METAP1: variants seen among roughly 807,000 people sequenced by gnomAD.
METAP1 encodes methionyl aminopeptidase 1, also known as methionine aminopeptidase 1.
METAP1 carries 28 observed loss-of-function variants against 53.8 expected under a neutral mutation model. The ratio of observed to expected loss-of-function variants is 0.52; its 90% CI spans 0.39 to 0.71. METAP1 has a LOEUF of 0.71. Among genes scored for constraint, METAP1 ranks in the 30% least tolerant of loss-of-function variants. The pLI, the probability that METAP1 is intolerant of heterozygous loss-of-function variation, is 0.00. For missense variants in METAP1, 389 were observed against 479.8 expected (o/e 0.81, Z 1.77); for synonymous variants, 181 against 165.7 (o/e 1.09, Z -0.71).
At chr4:99,023,712 C>T (rs1428092532) in intron 1 of METAP1, 2 of 985,180 alleles carry the variant, frequency 2.0e-6, no homozygotes, top group Non-Finnish European at 2.4e-6. Flanking sequence ...TGTTGTGAAG[C>T]CGTTGTAGTT....
intron 9 of METAP1, among the ~76,000 whole-genome samples, chr4:99,055,405 A>G (rs1281658488): frequency 2.0e-5 from 3 of 151,066 alleles, no homozygotes; most frequent in Non-Finnish European, 3.0e-5. Flanking sequence ...AAAAAAAAAA[A>G]AGAGAAAAGA....
chr4:99,055,520 A>T (rs896580228), intron 9 of METAP1, among the ~76,000 whole-genome samples: 1 of 152,210 alleles, frequency 6.6e-6, no homozygotes, highest in African/African-American at 2.4e-5. Context: ...TCAGGTACAA[A>T]TTTTTTAAAA....
In METAP1 at chr4:99,039,392, A is replaced by C; in HGVS notation, c.359A>C (p.Gln120Pro). Reference protein sequence around the residue: ...DHPLGMSESEQALKGTSQIKL... With the variant: ...DHPLGMSESEPALKGTSQIKL... ...ATTCCAGGAATGTCTGAATCTGAAC[A>C]GGCTCTTAAAGGTACTTCTCAGATT... Residue 120 changes from glutamine to proline, a missense_variant, in exon 5 of 11, where the codon CAG becomes CCG. Gln to Pro is a moderately conservative substitution (Grantham distance 76). Transcript: ENST00000296411. 2 of 1,608,814 alleles carry C rather than the reference A, an allele frequency of 1.2e-6. No homozygotes were observed. The highest frequency in any genetic ancestry group is 1.7e-6 in the Non-Finnish European group (2 of 1,176,362).
intron 10 of METAP1, among the ~76,000 whole-genome samples, chr4:99,059,869 C>A (rs573349295): frequency 6.6e-6 from 1 of 152,148 alleles, no homozygotes; most frequent in Non-Finnish European, 1.5e-5. Flanking sequence ...ACCAGTCTTT[C>A]TTTTGCCCCT....
chr4:99,042,499 G>A (rs1725947316), intron 6 of METAP1, among the ~76,000 whole-genome samples: 1 of 152,034 alleles, frequency 6.6e-6, no homozygotes, highest in East Asian at 1.9e-4. Flanking sequence ...GTTATGGAGA[G>A]CAGACCATGT....
At chr4:99,006,771 C>T (rs1723196336) in intron 1 of METAP1, among the ~76,000 whole-genome samples, 2 of 152,054 alleles carry the variant, frequency 1.3e-5, no homozygotes, top group South Asian at 4.1e-4. Flanking sequence ...GCTGTCATGT[C>T]TCTTAATTTA....
At chr4:99,033,840 T>TC (rs1419653844) in intron 2 of METAP1, among the ~76,000 whole-genome samples, 1 of 152,188 alleles carries the variant, frequency 6.6e-6, no homozygotes, top group Non-Finnish European at 1.5e-5. Flanking sequence ...CTGACCTCAG[T>TC]TGGGTAGGTT....
chr4:99,039,280 GACT>G (rs1183111005), intron 4 of METAP1, 91 bp from the exon 5 acceptor site: 1 of 687,452 alleles, frequency 1.5e-6, no homozygotes, highest in Non-Finnish European at 2.5e-6. Context: ...GAAACAGTGA[GACT>G]ACTGTTTTTA....
chr4:99,028,973 A>G lies in METAP1; in HGVS notation c.166+55A>G, dbSNP rs761173251. 6.4e-5 allele frequency: 75 copies of G among 1,175,810 alleles called. 2 individuals carry two copies. In the Middle Eastern group the frequency reaches 9.7e-4, roughly 15 times the overall value. The allele number at this position is 1,175,810 out of a possible 1,614,324, so 72.8% of individuals were successfully genotyped here. On this transcript the variant is annotated intron_variant, in intron 2 of 10. Transcript: ENST00000296411. ...TTGTCTTAGAAGTGGCATTTGTGCC[A>G]GAAAACAAGAATTCTTCTAGTTCTG...
chr4:98,995,765 G>A lies in METAP1; in HGVS notation c.12G>A (p.Val4=), dbSNP rs774539688. The change falls in exon 1 of 11, where the codon GTG becomes GTA. Residue 4 remains valine (V), a synonymous_variant. Coordinates refer to ENST00000296411, the MANE Select transcript of METAP1 (RefSeq NM_015143.3). The stretch of plus-strand genomic sequence containing the variant: ...AGCGGGCAGGCAGCATGGCGGCCGT[G>A]GAGACGCGGGTGTGCGAGACAGACG... The part of the protein sequence containing the change: MAA[V]ETRVCETDGC... 35 of 1,544,622 alleles carry A rather than the reference G, an allele frequency of 2.3e-5. No homozygotes were observed. The East Asian group carries it at 7.0e-4, about 31-fold the overall frequency.
intron 1 of METAP1, 43 bp from the exon 2 acceptor site, chr4:99,028,824 T>C (rs1724776266): frequency 7.1e-7 from 1 of 1,399,346 alleles, no homozygotes. Flanking sequence ...ATGTTTCTTA[T>C]TAAGGAAGGC....
chr4:98,996,276 G>T (rs993506195), intron 1 of METAP1, among the ~76,000 whole-genome samples: 3 of 152,226 alleles, frequency 2.0e-5, no homozygotes, highest in Non-Finnish European at 4.4e-5. Context: ...CTCCACATCC[G>T]CAGCACCGGC....
At chr4:99,024,313 C>G (rs1401963729) in intron 1 of METAP1, among the ~76,000 whole-genome samples, 1 of 152,196 alleles carries the variant, frequency 6.6e-6, no homozygotes, top group Non-Finnish European at 1.5e-5. Context: ...GAGCTCGGCT[C>G]TTGAGACAGG....
intron 6 of METAP1, among the ~76,000 whole-genome samples, 180 bp downstream of exon 6, chr4:99,041,306 A>T (rs1160550926): frequency 6.6e-6 from 1 of 152,174 alleles, no homozygotes; most frequent in Non-Finnish European, 1.5e-5. Flanking sequence ...TCTCATCTTT[A>T]AGAATCTATA....
chr4:99,052,551 T>C (rs1187643775), intron 9 of METAP1, among the ~76,000 whole-genome samples: 2 of 152,046 alleles, frequency 1.3e-5, no homozygotes, highest in Non-Finnish European at 2.9e-5. Context: ...AACAACCAGA[T>C]CTCATGACAA....
intron 10 of METAP1, among the ~76,000 whole-genome samples, chr4:99,059,433 C>T (rs561090030): frequency 3.4e-4 from 51 of 152,116 alleles, no homozygotes; most frequent in Non-Finnish European, 5.4e-4. Flanking sequence ...CTTTTTTAGG[C>T]CGCCTCGTAT....
Position 99,061,522 on chromosome 4 carries a change from C to G in METAP1, c.*205C>G. ...AGAATAAAGGAAACATTGCTCAACTCTTCAGCCCCCTCCCCCTGCACACCT... is the reference window on the plus strand; with the variant it reads ...AGAATAAAGGAAACATTGCTCAACTGTTCAGCCCCCTCCCCCTGCACACCT... On this transcript the variant is annotated 3_prime_UTR_variant, in exon 11 of 11. Coordinates refer to ENST00000296411, the MANE Select transcript of METAP1 (RefSeq NM_015143.3). 1 of 418,122 alleles carries G rather than the reference C, an allele frequency of 2.4e-6. No homozygotes were observed. The highest frequency in any genetic ancestry group is 6.6e-5 in the South Asian group (1 of 15,234). The allele number at this position is 418,122 out of a possible 1,614,324, so 25.9% of individuals were successfully genotyped here.
At chr4:99,012,275 T>G (rs1347956225) in intron 1 of METAP1, among the ~76,000 whole-genome samples, 3 of 150,892 alleles carry the variant, frequency 2.0e-5, no homozygotes, top group South Asian at 2.1e-4. Context: ...GTGAGTTTTT[T>G]TTTTTTTTTT....
At chr4:99,024,654 T>G (rs184968962) in intron 1 of METAP1, among the ~76,000 whole-genome samples, 1 of 152,322 alleles carries the variant, frequency 6.6e-6, no homozygotes, top group Admixed American at 6.5e-5. Context: ...TACAATAGTG[T>G]TGTTATCCCC....
Sources: allele counts gnomAD v4.1 joint callset (sites outside exome capture counted in the v4.1 genomes callset), GRCh38; gene constraint gnomAD v4.1.1; transcripts MANE v1.5; gene names NCBI Gene and HGNC (gene_info 2026-07-23, HGNC 2026-07-21).